Variants in TUBGCP3 observed in about 807,000 individuals in gnomAD.
TUBGCP3 encodes gamma-tubulin complex component 3.
Under a neutral mutation model 123.1 loss-of-function variants are expected in TUBGCP3, and 50 were observed. The ratio of observed to expected loss-of-function variants is 0.41; its 90% confidence interval spans 0.32 to 0.51. TUBGCP3 has a LOEUF of 0.51. Ranked by LOEUF, TUBGCP3 falls within the 20% of genes least tolerant of loss-of-function variation. The probability of loss-of-function intolerance (pLI) is 0.36; values close to 1 mark genes in which losing one functional copy is unlikely to be tolerated. For synonymous variants in TUBGCP3, 405 were observed against 413.9 expected (o/e 0.98, Z 0.26); for missense variants, 882 against 1,127.0 (o/e 0.78, Z 3.11).
chr13:112,544,205 G>T (rs1475224868), intron 11 of TUBGCP3, among the ~76,000 whole-genome samples: 2 of 152,136 alleles, frequency 1.3e-5, no homozygotes, highest in Non-Finnish European at 2.9e-5. Context: ...TGTAATCCCA[G>T]CACTTTGGGA....
In TUBGCP3 at chr13:112,554,118, T is replaced by C. The variant is rs376991332; in HGVS notation, c.905A>G (p.Asn302Ser). 2 of 1,614,198 alleles carry C rather than the reference T, an allele frequency of 1.2e-6. No homozygotes were observed. Among genetic ancestry groups the C allele is most frequent in the Non-Finnish European group, 8.5e-7 (1 of 1,180,034 alleles). Residue 302 changes from asparagine to serine, a missense_variant, in exon 8 of 22, where the codon AAT (asparagine) becomes AGT (serine). Asn to Ser is a conservative substitution (Grantham distance 46). Around this residue, in one of 3 missense-constraint regions of TUBGCP3, gnomAD observed 713 missense variants for 874.0 expected, o/e 0.82. Transcript: ENST00000261965. The part of the protein sequence containing the change: ...VRLSELGWLH[N>S]KIRRYTDQRS... Reference sequence around the variant, plus strand: ...CTGGTCCGTGTATCTTCTGATTTTATTATGCAACCATCCCAACTCAGAAAG... The same window carrying C: ...CTGGTCCGTGTATCTTCTGATTTTACTATGCAACCATCCCAACTCAGAAAG...
intron 19 of TUBGCP3, among the ~76,000 whole-genome samples, chr13:112,503,235 C>T (rs1051490448): frequency 1.3e-5 from 2 of 152,184 alleles, no homozygotes; most frequent in African/African-American, 4.8e-5. Context: ...CTTCTTGTCC[C>T]AGACCTCAGA....
rs1879586891 is a variant in TUBGCP3, at chr13:112,485,400, ACT to A, written c.*591_*592del. 6.6e-6 allele frequency: 1 copy of A among 152,614 alleles called. No homozygotes were observed. The highest frequency in any genetic ancestry group is 1.5e-5 in the Non-Finnish European group (1 of 68,036). The allele number at this position is 152,614 out of a possible 1,614,324, so 9.5% of individuals were successfully genotyped here. A position where few individuals can be genotyped will look rare whatever the true frequency, so the allele number is the denominator to read the frequency against. ...TAGTAAATTAAATATAAAAATGTAA[ACT>A]CTGAAAGGAGAGAAAATAAGAATAA... On this transcript the variant is annotated 3_prime_UTR_variant, in exon 22 of 22. Transcript: ENST00000261965.
At chr13:112,558,086 C>T (rs976242768) in intron 5 of TUBGCP3, 110 bp downstream of exon 5, 5 of 1,209,436 alleles carry the variant, frequency 4.1e-6, no homozygotes, top group South Asian at 3.1e-5. Flanking sequence ...CTGTCTGGCA[C>T]GTATGAGGCC....
intron 17 of TUBGCP3, among the ~76,000 whole-genome samples, chr13:112,515,550 T>TCCTCCCG (rs1409167385): frequency 6.6e-6 from 1 of 152,100 alleles, no homozygotes; most frequent in Non-Finnish European, 1.5e-5. Flanking sequence ...AGCACGGCCC[T>TCCTCCCG]CCTCCCGCCT....
intron 14 of TUBGCP3, among the ~76,000 whole-genome samples, chr13:112,520,897 C>T (rs1277940757): frequency 6.6e-6 from 1 of 152,134 alleles, no homozygotes; most frequent in African/African-American, 2.4e-5. Flanking sequence ...AGGGCAGAGA[C>T]AAGGTGAAAA....
chr13:112,594,074 G>T, the TUBGCP3 span, among the ~76,000 whole-genome samples: 1 of 152,178 alleles, frequency 6.6e-6, no homozygotes, highest in Admixed American at 6.5e-5. Flanking sequence ...GAGCCAAATG[G>T]CTTCATTGGT....
intron 20 of TUBGCP3, among the ~76,000 whole-genome samples, chr13:112,497,639 A>G (rs1880610837): frequency 6.6e-6 from 1 of 152,234 alleles, no homozygotes; most frequent in South Asian, 2.1e-4. Context: ...CTATGTGAAC[A>G]TCGCTGAGTG....
chr13:112,585,814 G>C (rs1882568967), intron 1 of TUBGCP3, among the ~76,000 whole-genome samples: 1 of 151,940 alleles, frequency 6.6e-6, no homozygotes, highest in Non-Finnish European at 1.5e-5. Flanking sequence ...ACCCTGTCAG[G>C]ATCTGAGAGC....
At chr13:112,502,542 CTTTTTT>C (rs10710530) in intron 19 of TUBGCP3, among the ~76,000 whole-genome samples, 2 of 114,368 alleles carry the variant, frequency 1.7e-5, no homozygotes, top group Admixed American at 9.2e-5. Context: ...TACATTTCTT[CTTTTTT>C]TTTTTTTTTT....
chr13:112,583,981 A>G (rs1181732875), intron 1 of TUBGCP3: 1 of 152,238 alleles, frequency 6.6e-6, no homozygotes, highest in African/African-American at 2.4e-5. Context: ...CACAATATTA[A>G]TTCTGAGTAA....
chr13:112,559,418 A>C lies in TUBGCP3; in HGVS notation c.253-19T>G, dbSNP rs1880317318. The C allele has an allele frequency of 3.2e-6, 5 of 1,583,214 alleles. No homozygotes were observed. The highest frequency in any genetic ancestry group is 4.3e-6 in the Non-Finnish European group (5 of 1,157,726). On this transcript the variant is annotated intron_variant, in intron 3 of 21. Coordinates refer to ENST00000261965, the MANE Select transcript of TUBGCP3 (RefSeq NM_006322.6). ...AAACTCCCTGTTTGGAAAAAAGTTA[A>C]TATTAAAAGAACGATTTTATACTAC...
chr13:112,572,173 G>C (rs1566588248), intron 1 of TUBGCP3, among the ~76,000 whole-genome samples: 1 of 152,196 alleles, frequency 6.6e-6, no homozygotes. Context: ...CTTTTGGCAT[G>C]CCTTCCTCAC....
chr13:112,504,703 C>T lies in TUBGCP3; in HGVS notation c.2098G>A (p.Val700Met), dbSNP rs1370610940. Reference sequence around the variant, plus strand: ...GCCAAAATGTGACACTGGTGCAGCACCCCGGAGAACTCTGCAAGGGAAGAG... The same window carrying T: ...GCCAAAATGTGACACTGGTGCAGCATCCCGGAGAACTCTGCAAGGGAAGAG... ...LLRNMPEFSGVLHQCHILASE... is the reference protein window; with the variant it reads ...LLRNMPEFSGMLHQCHILASE... Residue 700 changes from valine (V) to methionine (M), a missense_variant, in exon 18 of 22, where the codon GTG becomes ATG. By Grantham distance (21) the Val-to-Met change is conservative. This residue lies in a region of TUBGCP3 where 713 missense variants were observed against 874.0 expected (regional missense o/e 0.82). Transcript: ENST00000261965. 6.2e-7 allele frequency: 1 copy of T among 1,613,388 alleles called. No homozygotes were observed. Among genetic ancestry groups the T allele is most frequent in the Non-Finnish European group, 8.5e-7 (1 of 1,179,596 alleles).
At chr13:112,492,125 C>T (rs774625187) in intron 20 of TUBGCP3, among the ~76,000 whole-genome samples, 2 of 152,196 alleles carry the variant, frequency 1.3e-5, no homozygotes, top group Non-Finnish European at 2.9e-5. Flanking sequence ...TGGATGGTAT[C>T]AATACTCTAA....
At chr13:112,542,872 GCA>G (rs1878640650) in intron 11 of TUBGCP3, among the ~76,000 whole-genome samples, 1 of 151,910 alleles carries the variant, frequency 6.6e-6, no homozygotes, top group East Asian at 1.9e-4. Context: ...GTAGGGCCAG[GCA>G]CGGTGGCTCA....
chr13:112,559,264 A>G, intron 4 of TUBGCP3, 58 bp downstream of exon 4: 1 of 1,466,200 alleles, frequency 6.8e-7, no homozygotes, highest in South Asian at 1.3e-5. Flanking sequence ...GCCGTTTCCT[A>G]TCAAAGTCAG....
At chr13:112,492,455 C>T (rs535305898) in intron 20 of TUBGCP3, among the ~76,000 whole-genome samples, 4 of 152,212 alleles carry the variant, frequency 2.6e-5, no homozygotes, top group South Asian at 2.1e-4. Flanking sequence ...GATGAATATG[C>T]GCATGTCACC....
At chr13:112,514,010 A>AC (rs1167105432) in intron 17 of TUBGCP3, among the ~76,000 whole-genome samples, 1 of 151,720 alleles carries the variant, frequency 6.6e-6, no homozygotes, top group Non-Finnish European at 1.5e-5. Context: ...GGCGTATCCA[A>AC]CCCCCCGGTT....
Sources: allele counts gnomAD v4.1 joint callset (sites outside exome capture counted in the v4.1 genomes callset), GRCh38; gene constraint gnomAD v4.1.1; regional missense constraint gnomAD v4.1.1; transcripts MANE v1.5; gene names NCBI Gene and HGNC (gene_info 2026-07-23, HGNC 2026-07-21).